Variants in UNC80 observed in about 807,000 individuals in gnomAD.
The protein encoded by UNC80 is unc-80 subunit of NALCN channel complex.
UNC80 carries 164 observed loss-of-function variants against 384.6 expected under a neutral mutation model. The ratio of observed to expected loss-of-function variants is 0.43; its 90% confidence interval spans 0.38 to 0.49. The LOEUF (loss-of-function observed/expected upper bound fraction) is 0.49, where lower values mean the gene tolerates loss of function less well. Among genes scored for constraint, UNC80 ranks in the 20% least tolerant of loss-of-function variants. The probability of loss-of-function intolerance (pLI) is 0.00; values close to 1 mark genes in which losing one functional copy is unlikely to be tolerated. For synonymous variants in UNC80, 1,486 were observed against 1,527.8 expected (o/e 0.97, Z 0.64); for missense variants, 3,330 against 4,143.0 (o/e 0.80, Z 5.39).
intron 28 of UNC80, among the ~76,000 whole-genome samples, chr2:209,902,319 G>A (rs1254968724): frequency 6.6e-6 from 1 of 152,202 alleles, no homozygotes; most frequent in Non-Finnish European, 1.5e-5. Context: ...AATTTCTTGA[G>A]ATGGAATCTA....
Position 209,933,956 on chromosome 2 carries a change from G to T in UNC80, c.6129G>T (p.Met2043Ile). Reference sequence around the variant, plus strand: ...TCTTCAAGGATCTCAAGCAGACGATGAAGAAGGAGCAGTGTGAGGTGAAGC... The same window carrying T: ...TCTTCAAGGATCTCAAGCAGACGATTAAGAAGGAGCAGTGTGAGGTGAAGC... ...GLFFKDLKQT[M>I]KKEQCEVKLL... is the part of the protein sequence containing the mutation. Residue 2043 changes from methionine (M) to isoleucine (I), a missense_variant, in exon 39 of 65, where the codon ATG (methionine) becomes ATT (isoleucine). Met to Ile is a conservative substitution (Grantham distance 10, BLOSUM62 1). Around this residue, in one of 8 missense-constraint regions of UNC80, gnomAD observed 1,049 missense variants for 1,488.6 expected, o/e 0.70. Coordinates refer to ENST00000673920, the MANE Select transcript of UNC80 (RefSeq NM_001371986.1). The T allele has an allele frequency of 1.3e-6, 2 of 1,550,654 alleles. No individual in the cohort carries two copies. Among genetic ancestry groups the T allele is most frequent in the Non-Finnish European group, 1.7e-6 (2 of 1,146,730 alleles).
Position 209,967,452 on chromosome 2 carries a change from A to T in UNC80, c.7821A>T (p.Ala2607=), listed in dbSNP as rs1160167619. The change falls in exon 52 of 65, where the codon GCA becomes GCT. Residue 2607 remains alanine, a synonymous_variant. Coordinates refer to ENST00000673920, the MANE Select transcript of UNC80 (RefSeq NM_001371986.1). ...TATATTTTAGGTTGGCAGAAATTGCACACTCCCTTCTGAAGCTGGCACCAT... is the reference window on the plus strand; with the variant it reads ...TATATTTTAGGTTGGCAGAAATTGCTCACTCCCTTCTGAAGCTGGCACCAT... The part of the protein sequence containing the change: ...VKSHMRLAEI[A]HSLLKLAPYD... 6.4e-7 allele frequency: 1 copy of T among 1,550,944 alleles called. No individual in the cohort carries two copies. The highest frequency in any genetic ancestry group is 1.4e-5 in the African/African-American group (1 of 72,994).
intron 51 of UNC80, among the ~76,000 whole-genome samples, chr2:209,962,844 G>C (rs1303607826): frequency 6.6e-6 from 1 of 152,196 alleles, no homozygotes; most frequent in Non-Finnish European, 1.5e-5. Context: ...ACTTGAATAT[G>C]TGTAAAAGTT....
In UNC80 at chr2:209,816,994, T is replaced by C; in HGVS notation, c.1421T>C (p.Val474Ala). Residue 474 changes from valine (V) to alanine (A), a missense_variant, in exon 10 of 65, where the codon GTG becomes GCG. Val to Ala is a moderately conservative substitution (Grantham distance 64, BLOSUM62 0). Coordinates refer to ENST00000673920, the MANE Select transcript of UNC80 (RefSeq NM_001371986.1). ...AAGAGGAGGCCACGGAGAATGGGAG[T>C]GCCCTTCCTGCTTCACGAGGACCAC... ...TGKRRPRRMG[V>A]PFLLHEDHLD... is the part of the protein sequence containing the mutation. 6.4e-7 allele frequency: 1 copy of C among 1,551,500 alleles called. No homozygotes were observed. Among genetic ancestry groups the C allele is most frequent in the Non-Finnish European group, 8.7e-7 (1 of 1,146,952 alleles).
chr2:209,814,172 A>G (rs891185926), intron 8 of UNC80, among the ~76,000 whole-genome samples: 1 of 152,210 alleles, frequency 6.6e-6, no homozygotes, highest in Non-Finnish European at 1.5e-5. Flanking sequence ...CCAATATCAT[A>G]AAATCTGTAA....
At chr2:209,807,878 T>G (rs552116397) in intron 7 of UNC80, among the ~76,000 whole-genome samples, 2 of 152,378 alleles carry the variant, frequency 1.3e-5, no homozygotes, top group South Asian at 4.1e-4. Flanking sequence ...AGTGATTGGA[T>G]AACACCTTAA....
At chr2:209,939,763 C>T (rs968209196) in intron 43 of UNC80, 111 bp downstream of exon 43, 29 of 1,028,440 alleles carry the variant, frequency 2.8e-5, no homozygotes, top group Admixed American at 1.2e-4. Context: ...ATGTGCTCAA[C>T]GTGCAGGTTT....
chr2:209,776,118 A>G, intron 3 of UNC80, 73 bp downstream of exon 3: 1 of 1,565,178 alleles, frequency 6.4e-7, no homozygotes, highest in Non-Finnish European at 8.7e-7. Context: ...AATAACCTGT[A>G]CTGAGTAGTT....
intron 39 of UNC80, among the ~76,000 whole-genome samples, chr2:209,935,067 A>C (rs1186764148): frequency 6.6e-6 from 1 of 152,244 alleles, no homozygotes; most frequent in Non-Finnish European, 1.5e-5. Flanking sequence ...CTACATTTCA[A>C]GTACATGTTT....
chr2:209,838,725 G>C (rs1447173221), intron 18 of UNC80, among the ~76,000 whole-genome samples: 1 of 152,152 alleles, frequency 6.6e-6, no homozygotes, highest in Non-Finnish European at 1.5e-5. Context: ...ACTTTGGCAG[G>C]CTGAGGCAGA....
chr2:209,992,886 A>G (rs1039282897), intron 62 of UNC80, among the ~76,000 whole-genome samples: 1 of 152,234 alleles, frequency 6.6e-6, no homozygotes, highest in Admixed American at 6.5e-5. Context: ...GCAGCTTATC[A>G]CTGTTGCTTC....
At position 209,894,195 on chromosome 2, in the gene UNC80, C is replaced by T. The variant is rs2086604302; in HGVS notation, c.4309C>T (p.Arg1437Cys). The T allele has an allele frequency of 6.1e-6, 6 of 985,222 alleles. No individual in the cohort carries two copies. The highest frequency in any genetic ancestry group is 1.7e-5 in the African/African-American group (1 of 57,204). The allele number at this position is 985,222 out of a possible 1,614,324, so 61.0% of individuals were successfully genotyped here. A position where few individuals can be genotyped will look rare whatever the true frequency, so the allele number is the denominator to read the frequency against. Residue 1437 changes from arginine to cysteine, a missense_variant, in exon 27 of 65, where the codon CGC (arginine) becomes TGC (cysteine). Transcript: ENST00000673920. ...CAGGAAGATCAGGATAGGAGGTTCT[C>T]GCCTGCTCCAGATTAAAGGAACCCG... is the stretch of plus-strand genomic sequence containing the variant. ...PSRKIRIGGS[R>C]LLQIKGTRSF...
chr2:209,879,792 A>G (rs2085118017), intron 24 of UNC80, among the ~76,000 whole-genome samples: 1 of 152,190 alleles, frequency 6.6e-6, no homozygotes, highest in Admixed American at 6.5e-5. Context: ...ATTCTACAGA[A>G]GCTTGTCTTT....
rs780420761 is a variant in UNC80, at chr2:209,793,759, A to C, written c.838A>C (p.Ile280Leu). 1 of 1,614,132 alleles carries C rather than the reference A, an allele frequency of 6.2e-7. No individual in the cohort carries two copies. The highest frequency in any genetic ancestry group is 8.5e-7 in the Non-Finnish European group (1 of 1,179,982). Residue 280 changes from isoleucine (I) to leucine (L), a missense_variant, in exon 7 of 65, where the codon ATC (isoleucine) becomes CTC (leucine). Ile to Leu is a conservative substitution (Grantham distance 5). Around this residue, in one of 8 missense-constraint regions of UNC80, gnomAD observed 937 missense variants for 1,026.8 expected, o/e 0.91. Transcript: ENST00000673920. Reference protein sequence around the residue: ...VVCETFQSDSISPKATISGCH... With the variant: ...VVCETFQSDSLSPKATISGCH... The stretch of plus-strand genomic sequence containing the variant: ...TTGTGAAACATTCCAGTCTGATTCC[A>C]TCTCACCCAAGGCCACCATTTCAGG...
chr2:209,950,503 G>A (rs1005850865), intron 47 of UNC80, among the ~76,000 whole-genome samples: 2 of 148,298 alleles, frequency 1.3e-5, no homozygotes, highest in Non-Finnish European at 1.5e-5. Flanking sequence ...TTTTGCTATT[G>A]TAGTTTTATT....
At chr2:209,937,847 G>C (rs148096761) in intron 42 of UNC80, among the ~76,000 whole-genome samples, 8 of 152,218 alleles carry the variant, frequency 5.3e-5, no homozygotes, top group African/African-American at 1.7e-4. Context: ...TTGGAGTAGT[G>C]TAATGATGAA....
intron 34 of UNC80, 40 bp downstream of exon 34, chr2:209,921,726 C>T (rs1219950118): frequency 6.7e-7 from 1 of 1,503,590 alleles, no homozygotes; most frequent in Non-Finnish European, 8.9e-7. Flanking sequence ...GGCTGAGTCT[C>T]AGGGAAATAA....
At chr2:209,841,327 C>T (rs1027254619) in intron 20 of UNC80, among the ~76,000 whole-genome samples, 3 of 151,780 alleles carry the variant, frequency 2.0e-5, no homozygotes, top group African/African-American at 7.3e-5. Flanking sequence ...TGTTTTGTTC[C>T]TTGTGGGTTT....
intron 4 of UNC80, among the ~76,000 whole-genome samples, chr2:209,785,282 G>A (rs2077361683): frequency 6.6e-6 from 1 of 152,140 alleles, no homozygotes; most frequent in Non-Finnish European, 1.5e-5. Flanking sequence ...AGACTGAAGT[G>A]TTTAAGATAT....
Sources: gnomAD v4.1 joint callset for allele counts (sites outside exome capture counted in the v4.1 genomes callset) on GRCh38, gnomAD v4.1.1 for gene constraint, gnomAD v4.1.1 regional missense constraint, MANE v1.5 for transcripts, NCBI Gene and HGNC (gene_info 2026-07-23, HGNC 2026-07-21) for gene names.